SLC28A1: variants seen among roughly 807,000 people sequenced by gnomAD.
The protein encoded by SLC28A1 is sodium/nucleoside cotransporter 1.
Under a neutral mutation model 74.8 loss-of-function variants are expected in SLC28A1, and 64 were observed. The observed-to-expected ratio is 0.86, with a 90% confidence interval of 0.70 to 1.05. SLC28A1 has a LOEUF of 1.05. Ranked by LOEUF, SLC28A1 falls within the 50% of genes least tolerant of loss-of-function variation. SLC28A1 has a pLI of 0.00. For synonymous variants in SLC28A1, 359 were observed against 335.0 expected (o/e 1.07, Z -0.78); for missense variants, 828 against 822.8 (o/e 1.01, Z -0.08).
the SLC28A1 span, among the ~76,000 whole-genome samples, chr15:84,970,717 G>T: frequency 6.6e-6 from 1 of 152,018 alleles, no homozygotes. Context: ...CATCTTAAGG[G>T]TCGGGCACAA....
intron 12 of SLC28A1, among the ~76,000 whole-genome samples, chr15:84,927,638 A>G (rs1366398706): frequency 6.6e-6 from 1 of 152,164 alleles, no homozygotes; most frequent in African/African-American, 2.4e-5. Context: ...AGTTAAAGCA[A>G]TGTTTTTAGG....
intron 8 of SLC28A1, among the ~76,000 whole-genome samples, chr15:84,908,178 C>CTTTTTTTTTTTTTTTT (rs71135328): frequency 1.1e-5 from 1 of 91,358 alleles, no homozygotes; most frequent in African/African-American, 4.8e-5. Flanking sequence ...CAGAGCATTT[C>CTTTTTTTTTTTTTTTT]TTTTTTTTTT....
downstream of SLC28A1, among the ~76,000 whole-genome samples, chr15:84,948,335 T>C (rs568254431): frequency 6.6e-6 from 1 of 152,272 alleles, no homozygotes; most frequent in African/African-American, 2.4e-5. Context: ...TTTGAGGGTG[T>C]CTACCTCCCC....
chr15:84,953,890 T>G, the SLC28A1 span, among the ~76,000 whole-genome samples: 2 of 152,158 alleles, frequency 1.3e-5, no homozygotes, highest in Non-Finnish European at 2.9e-5. Context: ...GAGGAATGTA[T>G]GGGCACCAGG....
intron 8 of SLC28A1, among the ~76,000 whole-genome samples, chr15:84,906,094 G>C (rs1967067289): frequency 6.8e-6 from 1 of 146,936 alleles, no homozygotes; most frequent in Non-Finnish European, 1.5e-5. Flanking sequence ...ATCTTGGCTT[G>C]CTGCAACCTC....
chr15:84,957,456 A>G, the SLC28A1 span, among the ~76,000 whole-genome samples: 3 of 152,264 alleles, frequency 2.0e-5, no homozygotes, highest in African/African-American at 7.2e-5. Context: ...TAGTAAAGAC[A>G]GCATTTTGCC....
chr15:84,947,899 T>C (rs545809637), downstream of SLC28A1, among the ~76,000 whole-genome samples: 42 of 152,152 alleles, frequency 2.8e-4, no homozygotes, highest in African/African-American at 9.4e-4. Flanking sequence ...GAGGGGAAAA[T>C]GGGTGTGGGA....
At chr15:84,975,302 G>C in the SLC28A1 span, among the ~76,000 whole-genome samples, 9 of 152,128 alleles carry the variant, frequency 5.9e-5, no homozygotes, top group Non-Finnish European at 1.2e-4. Context: ...TGATTCCCAG[G>C]CATCTTTGAC....
chr15:84,927,311 A>C (rs1198064171), intron 12 of SLC28A1, among the ~76,000 whole-genome samples: 2 of 152,218 alleles, frequency 1.3e-5, no homozygotes, highest in Non-Finnish European at 2.9e-5. Flanking sequence ...TTTAATGCAT[A>C]CACACGGGGG....
At chr15:84,936,552 C>T (rs902242624) in intron 15 of SLC28A1, among the ~76,000 whole-genome samples, 2 of 152,130 alleles carry the variant, frequency 1.3e-5, no homozygotes, top group Non-Finnish European at 1.5e-5. Context: ...CCACCATACC[C>T]GGCCATCACC....
At position 84,908,462 on chromosome 15, in the gene SLC28A1, G is replaced by T. The variant is rs144718285; in HGVS notation, c.718-256G>T. 8.3e-3 allele frequency among the ~76,000 whole-genome samples: 1,259 copies of T among 152,218 alleles called. 21 individuals carry two copies. The highest frequency in any genetic ancestry group is 0.029 in the African/African-American group (1,199 of 41,524). On this transcript the variant is annotated intron_variant, in intron 8 of 18. Coordinates refer to ENST00000394573, the MANE Select transcript of SLC28A1 (RefSeq NM_004213.5). ...GCCTCCCAAAGTGCTGAGATTACAG[G>T]TGTGAGCCACTGCACCCAGCCTGCA... is the stretch of plus-strand genomic sequence containing the variant.
intron 9 of SLC28A1, among the ~76,000 whole-genome samples, chr15:84,910,206 T>A (rs1371627409): frequency 6.6e-6 from 1 of 152,176 alleles, no homozygotes; most frequent in Non-Finnish European, 1.5e-5. Flanking sequence ...CATCATGTTT[T>A]CTGAGACCAG....
chr15:84,973,007 C>A, the SLC28A1 span, among the ~76,000 whole-genome samples: 1 of 152,136 alleles, frequency 6.6e-6, no homozygotes, highest in Non-Finnish European at 1.5e-5. Context: ...AGTGTGGACT[C>A]GTATTACTCC....
chr15:84,895,337 G>A lies in SLC28A1; in HGVS notation c.461+214G>A, dbSNP rs776003445. On this transcript the variant is annotated intron_variant, in intron 6 of 18. Transcript: ENST00000394573. ...TTAGTCCCAGTTACAGCAGGTGACT[G>A]TGGTGGACGAAAACTGGACTCAACA... The A allele has an allele frequency of 2.5e-6, 4 of 1,613,516 alleles. No individual in the cohort carries two copies. The South Asian group carries it at 4.4e-5, about 18-fold the overall frequency.
intron 6 of SLC28A1, among the ~76,000 whole-genome samples, chr15:84,896,970 G>A (rs946243803): frequency 1.3e-5 from 2 of 152,202 alleles, no homozygotes; most frequent in Admixed American, 1.3e-4. Flanking sequence ...GGGCGGATGG[G>A]AAGAGGAGGT....
At chr15:84,926,940 C>G (rs1970591036) in intron 12 of SLC28A1, among the ~76,000 whole-genome samples, 1 of 152,168 alleles carries the variant, frequency 6.6e-6, no homozygotes, top group African/African-American at 2.4e-5. Flanking sequence ...GCCTGCCCCT[C>G]CATCTCTCCT....
intron 9 of SLC28A1, 59 bp from the exon 10 acceptor site, chr15:84,918,465 C>G: frequency 1.4e-6 from 2 of 1,390,042 alleles, no homozygotes; most frequent in Non-Finnish European, 2.0e-6. Flanking sequence ...TGGGCCCCGC[C>G]TGGCACCCTG....
Position 84,886,427 on chromosome 15 carries a change from G to A in SLC28A1, c.-132-245G>A, listed in dbSNP as rs577687832. 4.1e-6 allele frequency: 4 copies of A among 985,400 alleles called. No homozygotes were observed. The African/African-American group carries it at 5.2e-5, about 13-fold the overall frequency. The allele number at this position is 985,400 out of a possible 1,614,324, so 61.0% of individuals were successfully genotyped here. A position where few individuals can be genotyped will look rare whatever the true frequency, so the allele number is the denominator to read the frequency against. ...ACATAGGTGGCTTCCTGGAAGAAGC[G>A]GCCCTAATAGGCCTGGAAGAGGTCA... On this transcript the variant is annotated intron_variant, in intron 1 of 18. Coordinates refer to ENST00000394573, the MANE Select transcript of SLC28A1 (RefSeq NM_004213.5).
chr15:84,919,907 T>C (rs1454630918), intron 10 of SLC28A1, among the ~76,000 whole-genome samples: 2 of 152,134 alleles, frequency 1.3e-5, no homozygotes, highest in Admixed American at 6.5e-5. Context: ...TCCCCAGACC[T>C]GGAGACTGTG....
Sources: allele counts gnomAD v4.1 joint callset (sites outside exome capture counted in the v4.1 genomes callset), GRCh38; gene constraint gnomAD v4.1.1; transcripts MANE v1.5; gene names NCBI Gene and HGNC (gene_info 2026-07-23, HGNC 2026-07-21).